The following GRHL1 variants were observed in gnomAD, a reference collection of about 807,000 sequenced individuals.
GRHL1 encodes grainyhead-like protein 1 homolog.
Under a neutral mutation model 75.7 loss-of-function variants are expected in GRHL1, and 38 were observed. That is an observed-to-expected ratio of 0.50 (90% confidence interval 0.39 to 0.66). The LOEUF is 0.66. GRHL1 is among the 30% of genes least tolerant of loss of function. The probability of loss-of-function intolerance (pLI) is 0.00; values close to 1 mark genes in which losing one functional copy is unlikely to be tolerated. For missense variants in GRHL1, 589 were observed against 767.5 expected (o/e 0.77, Z 2.75); for synonymous variants, 266 against 279.4 (o/e 0.95, Z 0.48).
intron 1 of GRHL1, among the ~76,000 whole-genome samples, chr2:9,952,145 C>T (rs1346620255): frequency 2.0e-5 from 3 of 151,942 alleles, no homozygotes; most frequent in African/African-American, 7.2e-5. Context: ...CGGGCGCGCA[C>T]CTTGGGGTCC....
At chr2:9,998,889 C>CAT (rs33958552) in intron 14 of GRHL1, 76 bp from the exon 15 acceptor site, 19,029 of 140,356 alleles carry the variant, frequency 0.14, 4,211 homozygotes, top group African/African-American at 0.44. Flanking sequence ...CATATATATA[C>CAT]ATATATATAT....
chr2:9,959,721 T>A (rs1190651114), intron 3 of GRHL1: 1 of 152,258 alleles, frequency 6.6e-6, no homozygotes, highest in Non-Finnish European at 1.5e-5. Context: ...TCCTCTTGTT[T>A]GATTTGTTCT....
chr2:9,952,965 C>T lies in GRHL1; in HGVS notation c.20+1112C>T, dbSNP rs1206897558. 10 of 452,686 alleles carry T rather than the reference C, an allele frequency of 2.2e-5. No homozygotes were observed. In the East Asian group the frequency reaches 7.0e-4, roughly 31 times the overall value. The allele number at this position is 452,686 out of a possible 1,614,324, so 28.0% of individuals were successfully genotyped here. A position where few individuals can be genotyped will look rare whatever the true frequency, so the allele number is the denominator to read the frequency against. Reference sequence around the variant, plus strand: ...TCAGAAGTCTGAGAGATCGCAGACGCGGAGTTTAAGGCTCACCTGAAAGTG... The same window carrying T: ...TCAGAAGTCTGAGAGATCGCAGACGTGGAGTTTAAGGCTCACCTGAAAGTG... On this transcript the variant is annotated intron_variant, in intron 1 of 15. Transcript: ENST00000324907.
chr2:9,989,545 G>C (rs1017406335), intron 9 of GRHL1, among the ~76,000 whole-genome samples: 1 of 152,004 alleles, frequency 6.6e-6, no homozygotes, highest in Non-Finnish European at 1.5e-5. Context: ...AGGACTCTGA[G>C]TACACTTTTT....
At chr2:9,958,365 G>T (rs1381900519) in intron 2 of GRHL1, among the ~76,000 whole-genome samples, 6 of 151,834 alleles carry the variant, frequency 4.0e-5, no homozygotes, top group African/African-American at 1.5e-4. Context: ...TTTTTTTGTA[G>T]AAATGAGTTT....
intron 4 of GRHL1, among the ~76,000 whole-genome samples, 156 bp from the exon 5 acceptor site, chr2:9,962,299 T>C (rs1226041290): frequency 6.6e-6 from 1 of 152,220 alleles, no homozygotes; most frequent in South Asian, 2.1e-4. Context: ...TTTAATTTTT[T>C]AAGTATTTGT....
In GRHL1 at chr2:9,990,816, C is replaced by A; in HGVS notation, c.1321+69C>A. On this transcript the variant is annotated intron_variant, in intron 10 of 15. Transcript: ENST00000324907. The surrounding 1 kb of genome is among the most constrained non-coding windows in gnomAD (Gnocchi z 4.2). ...GAAATGTTCCCGGCAAGCTTCAGAC[C>A]TTTTCCATTGAGAATGGTGGCTGGA... 1.6e-6 allele frequency: 2 copies of A among 1,287,066 alleles called. No homozygotes were observed. The highest frequency in any genetic ancestry group is 2.2e-6 in the Non-Finnish European group (2 of 897,486). 79.7% of individuals were successfully genotyped at this position (1,287,066 alleles called of 1,614,324 possible).
At chr2:9,963,781 G>T in intron 5 of GRHL1, 105 bp from the exon 6 acceptor site, 1 of 767,764 alleles carries the variant, frequency 1.3e-6, no homozygotes. Context: ...TTTTGTTTCA[G>T]ATTTTCTTTA....
chr2:9,957,511 G>A (rs1434361606), intron 2 of GRHL1, among the ~76,000 whole-genome samples: 2 of 151,878 alleles, frequency 1.3e-5, no homozygotes, highest in African/African-American at 4.8e-5. Flanking sequence ...CTGGGTTCAA[G>A]CAATTCTCCT....
chr2:9,993,332 C>A, intron 12 of GRHL1, 88 bp downstream of exon 12: 1 of 1,064,548 alleles, frequency 9.4e-7, no homozygotes, highest in Non-Finnish European at 1.4e-6. Context: ...ACAAAGAACT[C>A]ATTTTTCCCT....
At chr2:9,954,315 C>T (rs1389694230) in intron 1 of GRHL1, among the ~76,000 whole-genome samples, 2 of 152,200 alleles carry the variant, frequency 1.3e-5, no homozygotes, top group Non-Finnish European at 2.9e-5. Flanking sequence ...TTTACAGTCC[C>T]CTTTGGCCAC....
At chr2:9,963,643 A>G (rs1667364947) in intron 5 of GRHL1, among the ~76,000 whole-genome samples, 1 of 152,200 alleles carries the variant, frequency 6.6e-6, no homozygotes, top group Non-Finnish European at 1.5e-5. Context: ...ACCTATCAGT[A>G]TCTTTAATAT....
At position 9,990,517 on chromosome 2, in the gene GRHL1, T is replaced by C. The variant is rs1668594389; in HGVS notation, c.1270-179T>C. On this transcript the variant is annotated intron_variant, in intron 9 of 15. Transcript: ENST00000324907. This position sits in a 1 kb window ranked among gnomAD's most constrained non-coding sequence, Gnocchi z 4.2. Reference sequence around the variant, plus strand: ...TGTGATTTCATAGAATTAAAAATAATTTTAAGACTAATCTTTTTAGAAGAA... The same window carrying C: ...TGTGATTTCATAGAATTAAAAATAACTTTAAGACTAATCTTTTTAGAAGAA... Among the ~76,000 whole-genome samples, 1 of 152,224 alleles carries C rather than the reference T, an allele frequency of 6.6e-6. No individual in the cohort carries two copies.
At chr2:9,999,720 T>C (rs1669189263) in intron 15 of GRHL1, among the ~76,000 whole-genome samples, 1 of 152,216 alleles carries the variant, frequency 6.6e-6, no homozygotes, top group Non-Finnish European at 1.5e-5. Flanking sequence ...GTCTATGATG[T>C]TTGGCATGGA....
At chr2:9,953,013 A>C in intron 1 of GRHL1, 1 of 456,794 alleles carries the variant, frequency 2.2e-6, no homozygotes, top group Non-Finnish European at 4.4e-6. Context: ...CGGCGACTGA[A>C]GCCTACTTCC....
At chr2:9,988,280 G>A (rs1668507662) in intron 9 of GRHL1, among the ~76,000 whole-genome samples, 1 of 152,182 alleles carries the variant, frequency 6.6e-6, no homozygotes, top group African/African-American at 2.4e-5. Flanking sequence ...CCGCGCTCCT[G>A]AGCAGGATTT....
rs1456653445 is a variant in GRHL1, at chr2:9,958,782, T to C, written c.208-4T>C. Reference sequence around the variant, plus strand: ...TAAATTCTTTTCATGTGTGCTAATATCAGGTTCCAAGAGAGAGAAGGTCAT... The same window carrying C: ...TAAATTCTTTTCATGTGTGCTAATACCAGGTTCCAAGAGAGAGAAGGTCAT... On this transcript the variant is annotated splice_polypyrimidine_tract_variant and splice_region_variant and intron_variant, in intron 2 of 15. Transcript: ENST00000324907. 3 of 1,611,386 alleles carry C rather than the reference T, an allele frequency of 1.9e-6. No individual in the cohort carries two copies. Among genetic ancestry groups the C allele is most frequent in the East Asian group, 2.2e-5 (1 of 44,860 alleles).
chr2:9,994,648 G>A (rs763416130), intron 12 of GRHL1, among the ~76,000 whole-genome samples: 6 of 152,060 alleles, frequency 3.9e-5, no homozygotes, highest in Non-Finnish European at 8.8e-5. Context: ...GACGGCTGCT[G>A]TGTGTTAGGA....
chr2:9,975,404 A>G (rs1400452108), intron 8 of GRHL1, among the ~76,000 whole-genome samples: 1 of 152,248 alleles, frequency 6.6e-6, no homozygotes, highest in Non-Finnish European at 1.5e-5. Flanking sequence ...CTTACCTTGT[A>G]TATCTCAGTG....
Sources: allele counts gnomAD v4.1 joint callset (sites outside exome capture counted in the v4.1 genomes callset), GRCh38; gene constraint gnomAD v4.1.1; non-coding constraint Gnocchi (gnomAD v3.1); transcripts MANE v1.5; gene names NCBI Gene and HGNC (gene_info 2026-07-23, HGNC 2026-07-21).